GALNTL6: variants seen among roughly 807,000 people sequenced by gnomAD.
The protein encoded by GALNTL6 is polypeptide N-acetylgalactosaminyltransferase like 6.
In GALNTL6, 46 loss-of-function variants were observed where a neutral mutation model predicts 73.7. That is an observed-to-expected ratio of 0.62 (90% CI 0.49 to 0.80). The LOEUF (loss-of-function observed/expected upper bound fraction) is 0.80, where lower values mean the gene tolerates loss of function less well. Among genes scored for constraint, GALNTL6 ranks in the 30% least tolerant of loss-of-function variants. The pLI is 0.00. For synonymous variants in GALNTL6, 259 were observed against 263.7 expected (o/e 0.98, Z 0.17); for missense variants, 604 against 755.0 (o/e 0.80, Z 2.34).
At chr4:172,171,881 G>T (rs1734842474) in intron 2 of GALNTL6, among the ~76,000 whole-genome samples, 2 of 152,128 alleles carry the variant, frequency 1.3e-5, no homozygotes, top group Non-Finnish European at 2.9e-5. Context: ...AGTATTGGAA[G>T]TTCCTGCTCA....
intron 2 of GALNTL6, among the ~76,000 whole-genome samples, chr4:172,081,023 A>G (rs56384225): frequency 0.02 from 3,075 of 152,264 alleles, 36 homozygotes; most frequent in Non-Finnish European, 0.03. Flanking sequence ...TCCATTTCTC[A>G]TAACCTATTT....
intron 5 of GALNTL6, 39 bp downstream of exon 5, chr4:172,348,728 C>G (rs759444673): frequency 7.3e-7 from 1 of 1,368,084 alleles, no homozygotes; most frequent in African/African-American, 1.5e-5. Flanking sequence ...GATTCTGCTA[C>G]CATTCACATA....
At chr4:171,866,806 A>G (rs190853823) in intron 2 of GALNTL6, among the ~76,000 whole-genome samples, 9 of 152,150 alleles carry the variant, frequency 5.9e-5, no homozygotes, top group Admixed American at 5.2e-4. Flanking sequence ...TTTTTTCATA[A>G]TGGCATTAAT....
At chr4:172,516,293 A>G (rs1469698745) in intron 5 of GALNTL6, among the ~76,000 whole-genome samples, 1 of 152,174 alleles carries the variant, frequency 6.6e-6, no homozygotes, top group African/African-American at 2.4e-5. Flanking sequence ...TTAGAAAAAC[A>G]GGTATATTTG....
chr4:172,870,713 C>T (rs913564272), intron 7 of GALNTL6, among the ~76,000 whole-genome samples: 1 of 152,130 alleles, frequency 6.6e-6, no homozygotes, highest in African/African-American at 2.4e-5. Context: ...ACAGTTCAGA[C>T]CGGCCTAGGA....
At chr4:172,807,935 G>A (rs1479693441) in intron 5 of GALNTL6, among the ~76,000 whole-genome samples, 1 of 152,212 alleles carries the variant, frequency 6.6e-6, no homozygotes, top group African/African-American at 2.4e-5. Context: ...CAATTCTCCT[G>A]CCTCAGTCTC....
At chr4:173,037,144 C>T (rs73872316) in intron 12 of GALNTL6, among the ~76,000 whole-genome samples, 2,806 of 152,320 alleles carry the variant, frequency 0.018, 91 homozygotes, top group African/African-American at 0.064. Flanking sequence ...TTGCTGAGCA[C>T]TCCCAAGACA....
intron 5 of GALNTL6, among the ~76,000 whole-genome samples, chr4:172,499,697 TAA>T (rs1734193282): frequency 6.6e-6 from 1 of 152,100 alleles, no homozygotes. Flanking sequence ...CACCTAACAG[TAA>T]AGAGTTCTCA....
At chr4:172,048,780 C>G (rs1455497239) in intron 2 of GALNTL6, among the ~76,000 whole-genome samples, 4 of 151,964 alleles carry the variant, frequency 2.6e-5, no homozygotes, top group Non-Finnish European at 5.9e-5. Context: ...GAGAGGCATT[C>G]TTGCAGCCCC....
At chr4:172,318,409 A>C (rs1337482732) in intron 4 of GALNTL6, among the ~76,000 whole-genome samples, 1 of 152,154 alleles carries the variant, frequency 6.6e-6, no homozygotes, top group Non-Finnish European at 1.5e-5. Flanking sequence ...GGGTCTTTGA[A>C]AGGCTGAATG....
At chr4:172,017,893 T>C (rs1471597557) in intron 2 of GALNTL6, among the ~76,000 whole-genome samples, 1 of 151,572 alleles carries the variant, frequency 6.6e-6, no homozygotes, top group Non-Finnish European at 1.5e-5. Context: ...TACAGGCACC[T>C]GCTCTGCTAG....
intron 2 of GALNTL6, among the ~76,000 whole-genome samples, chr4:172,206,814 G>GT (rs796625697): frequency 1.6e-4 from 9 of 57,960 alleles, no homozygotes; most frequent in Admixed American, 4.9e-4. Context: ...TGTTTTTTTT[G>GT]TTTGTTTTTT....
intron 5 of GALNTL6, among the ~76,000 whole-genome samples, chr4:172,415,596 A>G (rs542623908): frequency 1.3e-5 from 2 of 152,286 alleles, no homozygotes; most frequent in South Asian, 2.1e-4. Flanking sequence ...GCCATGTAGC[A>G]GGAGGAGCTG....
chr4:172,802,634 A>AAAAAT (rs996280688), intron 5 of GALNTL6, among the ~76,000 whole-genome samples: 7 of 152,166 alleles, frequency 4.6e-5, no homozygotes, highest in African/African-American at 1.7e-4. Context: ...CATCTCTACT[A>AAAAAT]AAAATAAAAT....
chr4:172,401,279 G>A (rs1744027781), intron 5 of GALNTL6, among the ~76,000 whole-genome samples: 1 of 151,904 alleles, frequency 6.6e-6, no homozygotes, highest in Non-Finnish European at 1.5e-5. Flanking sequence ...TTACAGTCTT[G>A]GCTTCTATAA....
At chr4:172,685,651 C>T (rs1014718002) in intron 5 of GALNTL6, among the ~76,000 whole-genome samples, 1 of 152,184 alleles carries the variant, frequency 6.6e-6, no homozygotes, top group African/African-American at 2.4e-5. Flanking sequence ...TCCACCCATC[C>T]TTCACCCACC....
rs1178582024 is a variant in GALNTL6 at position 172,160,875 on chromosome 4, A to ATT, written c.139-68780_139-68779dup. Among the ~76,000 whole-genome samples, 876 of 150,448 alleles carry ATT rather than the reference A, an allele frequency of 5.8e-3. 9 individuals are homozygous for ATT. Among genetic ancestry groups the ATT allele is most frequent in the African/African-American group, 0.02 (799 of 40,938 alleles). ...TTAGAGCTTGTTCAAAGTATTGGAG[A>ATT]TTATATATATATATAGACACACACA... On this transcript the variant is annotated intron_variant, in intron 2 of 12. Coordinates refer to ENST00000506823, the MANE Select transcript of GALNTL6 (RefSeq NM_001034845.3).
chr4:172,655,029 C>G (rs910052482), intron 5 of GALNTL6, among the ~76,000 whole-genome samples: 1 of 152,028 alleles, frequency 6.6e-6, no homozygotes. Flanking sequence ...TTCAAGCAGT[C>G]TAAATTTAAG....
chr4:171,928,296 G>C (rs1738056985), intron 2 of GALNTL6, among the ~76,000 whole-genome samples: 1 of 152,138 alleles, frequency 6.6e-6, no homozygotes, highest in Admixed American at 6.5e-5. Context: ...CTTCTTAAAA[G>C]ATGGAGAGTT....
Sources: gnomAD v4.1 joint callset for allele counts (sites outside exome capture counted in the v4.1 genomes callset) on GRCh38, gnomAD v4.1.1 for gene constraint, MANE v1.5 for transcripts, NCBI Gene and HGNC (gene_info 2026-07-23, HGNC 2026-07-21) for gene names.